NT5C2: variants seen among roughly 807,000 people sequenced by gnomAD.
The protein encoded by NT5C2 is cytosolic purine 5'-nucleotidase.
Under a neutral mutation model 76.1 loss-of-function variants are expected in NT5C2, and 58 were observed. The ratio of observed to expected loss-of-function variants is 0.76; its 90% CI spans 0.62 to 0.95. The LOEUF is 0.95. Ranked by LOEUF, NT5C2 falls within the 40% of genes least tolerant of loss-of-function variation. The pLI is 0.00. For synonymous variants in NT5C2, 229 were observed against 237.4 expected (o/e 0.96, Z 0.32); for missense variants, 478 against 690.3 (o/e 0.69, Z 3.45).
chr10:103,127,539 T>C (rs1189591998), intron 4 of NT5C2, among the ~76,000 whole-genome samples: 1 of 152,190 alleles, frequency 6.6e-6, no homozygotes, highest in Non-Finnish European at 1.5e-5. Flanking sequence ...ACACACTTCA[T>C]TGGGGAAATA....
chr10:103,163,846 C>G (rs1222361437), intron 3 of NT5C2, among the ~76,000 whole-genome samples: 1 of 129,926 alleles, frequency 7.7e-6, no homozygotes, highest in Non-Finnish European at 1.6e-5. Context: ...GTGAAACCGT[C>G]TCTACTAAAA....
At chr10:103,130,636 T>C (rs2077994601) in intron 4 of NT5C2, among the ~76,000 whole-genome samples, 1 of 150,300 alleles carries the variant, frequency 6.7e-6, no homozygotes, top group South Asian at 2.1e-4. Flanking sequence ...TTATTATATA[T>C]TCAGCTTAAC....
At chr10:103,127,077 T>C (rs1452389174) in intron 4 of NT5C2, among the ~76,000 whole-genome samples, 1 of 151,950 alleles carries the variant, frequency 6.6e-6, no homozygotes, top group African/African-American at 2.4e-5. Context: ...GTGGGGAGAG[T>C]TGAGGTTTTC....
chr10:103,091,716 A>T (rs2066944337), intron 15 of NT5C2, 101 bp from the exon 16 acceptor site: 1 of 916,362 alleles, frequency 1.1e-6, no homozygotes, highest in Non-Finnish European at 1.8e-6. Flanking sequence ...ACTGGAAAGT[A>T]GAACCTGGGA....
At chr10:103,146,421 T>C (rs773224331) in intron 3 of NT5C2, 190 of 985,316 alleles carry the variant, frequency 1.9e-4, no homozygotes, top group Non-Finnish European at 2.3e-4. Context: ...TTCTTGGGCA[T>C]CTGTTTTCCT....
At chr10:103,147,974 G>T (rs534804129) in intron 3 of NT5C2, among the ~76,000 whole-genome samples, 1 of 152,080 alleles carries the variant, frequency 6.6e-6, no homozygotes, top group Non-Finnish European at 1.5e-5. Context: ...AATGATACGT[G>T]AATTGTATCT....
At chr10:103,105,059 A>G (rs1274739347) in intron 6 of NT5C2, among the ~76,000 whole-genome samples, 1 of 152,208 alleles carries the variant, frequency 6.6e-6, no homozygotes, top group African/African-American at 2.4e-5. Flanking sequence ...GGGACATTTC[A>G]CAAAAAAATA....
At chr10:103,162,369 A>G (rs1303943129) in intron 3 of NT5C2, among the ~76,000 whole-genome samples, 2 of 152,010 alleles carry the variant, frequency 1.3e-5, no homozygotes, top group African/African-American at 2.4e-5. Context: ...ATCAATATGG[A>G]AAAAAAAGAC....
intron 1 of NT5C2, among the ~76,000 whole-genome samples, chr10:103,190,829 C>T (rs1441322265): frequency 2.6e-5 from 4 of 152,150 alleles, no homozygotes; most frequent in African/African-American, 4.8e-5. Flanking sequence ...TTACTAAGAG[C>T]CTGTGTGCCA....
Position 103,174,996 on chromosome 10 carries a change from T to C in NT5C2, c.-24-14A>G. Reference sequence around the variant, plus strand: ...GTATTTTGTATTCTAGAAAAGAAAATCATTAATTTAGTAACTTAATATTGG... The same window carrying C: ...GTATTTTGTATTCTAGAAAAGAAAACCATTAATTTAGTAACTTAATATTGG... On this transcript the variant is annotated splice_polypyrimidine_tract_variant and intron_variant, in intron 2 of 18. Transcript: ENST00000404739. 7.1e-7 allele frequency: 1 copy of C among 1,410,618 alleles called. No homozygotes were observed. The highest frequency in any genetic ancestry group is 1.7e-5 in the Admixed American group (1 of 58,898). 87.4% of individuals were successfully genotyped at this position (1,410,618 alleles called of 1,614,324 possible). A position where few individuals can be genotyped will look rare whatever the true frequency, so the allele number is the denominator to read the frequency against.
chr10:103,110,240 G>C (rs1229901020), intron 4 of NT5C2, among the ~76,000 whole-genome samples: 3 of 152,028 alleles, frequency 2.0e-5, no homozygotes, highest in Admixed American at 6.6e-5. Context: ...TGGATCACTT[G>C]AGGTCAGGAG....
At chr10:103,170,739 C>G (rs2087744891) in intron 3 of NT5C2, among the ~76,000 whole-genome samples, 1 of 151,740 alleles carries the variant, frequency 6.6e-6, no homozygotes, top group African/African-American at 2.4e-5. Flanking sequence ...CTTGCCCAGG[C>G]TGGTCTCAAA....
At chr10:103,143,383 T>C (rs2080890008) in intron 3 of NT5C2, among the ~76,000 whole-genome samples, 1 of 152,098 alleles carries the variant, frequency 6.6e-6, no homozygotes, top group South Asian at 2.1e-4. Context: ...GATCTTCTAT[T>C]GATATTTACC....
At chr10:103,171,163 A>C (rs1159414537) in intron 3 of NT5C2, among the ~76,000 whole-genome samples, 1 of 152,174 alleles carries the variant, frequency 6.6e-6, no homozygotes, top group African/African-American at 2.4e-5. Context: ...GCATCCTAAC[A>C]CCCAGAAATG....
chr10:103,119,692 A>G (rs1440689301), intron 4 of NT5C2, among the ~76,000 whole-genome samples: 2 of 152,254 alleles, frequency 1.3e-5, no homozygotes, highest in East Asian at 3.8e-4. Flanking sequence ...CACGCTATCA[A>G]TAGTAAGTTC....
At chr10:103,122,088 C>T (rs1371517159) in intron 4 of NT5C2, among the ~76,000 whole-genome samples, 2 of 152,138 alleles carry the variant, frequency 1.3e-5, no homozygotes, top group East Asian at 1.9e-4. Context: ...GCGCCAGAAT[C>T]GCTTGAATCC....
At chr10:103,121,171 G>A (rs1045302054) in intron 4 of NT5C2, among the ~76,000 whole-genome samples, 1 of 152,066 alleles carries the variant, frequency 6.6e-6, no homozygotes, top group African/African-American at 2.4e-5. Flanking sequence ...GTTTCTGTTT[G>A]GGATGATGAA....
Position 103,089,115 on chromosome 10 carries a change from G to GTGAT in NT5C2, c.*553_*556dup, listed in dbSNP as rs532120481. 45 of 227,554 alleles carry GTGAT rather than the reference G, an allele frequency of 2.0e-4. No homozygotes were observed. Among genetic ancestry groups the GTGAT allele is most frequent in the East Asian group, 1.4e-3 (22 of 15,774 alleles). The allele number at this position is 227,554 out of a possible 1,614,324, so 14.1% of individuals were successfully genotyped here. ...TAGAGCATACTTCTGTGCAAAGCCA[G>GTGAT]TGATAGAGAAGCAGCCTTGCCAGAG... On this transcript the variant is annotated 3_prime_UTR_variant, in exon 19 of 19. Coordinates refer to ENST00000404739, the MANE Select transcript of NT5C2 (RefSeq NM_001351169.2).
chr10:103,179,713 AT>A (rs1156622318), intron 2 of NT5C2, among the ~76,000 whole-genome samples: 6 of 152,242 alleles, frequency 3.9e-5, no homozygotes, highest in Non-Finnish European at 1.5e-5. Flanking sequence ...AAACAAAAAA[AT>A]AAAACAAACA....
Sources: allele counts gnomAD v4.1 joint callset (sites outside exome capture counted in the v4.1 genomes callset), GRCh38; gene constraint gnomAD v4.1.1; transcripts MANE v1.5; gene names NCBI Gene and HGNC (gene_info 2026-07-23, HGNC 2026-07-21).